PCDHGA11: variants seen among roughly 807,000 people sequenced by gnomAD.
PCDHGA11 encodes protocadherin gamma-A11.
A neutral mutation model predicts 60.4 loss-of-function variants in PCDHGA11; 39 were observed. The observed-to-expected ratio is 0.65, with a 90% CI of 0.50 to 0.84. PCDHGA11 has a LOEUF of 0.84. Among genes scored for constraint, PCDHGA11 ranks in the 40% least tolerant of loss-of-function variants. The pLI is 0.00. For synonymous variants in PCDHGA11, 533 were observed against 510.3 expected (o/e 1.04, Z -0.60); for missense variants, 1,165 against 1,197.7 (o/e 0.97, Z 0.40).
chr5:141,479,568 G>A (rs553213095), intron 1 of PCDHGA11: 2 of 152,346 alleles, frequency 1.3e-5, no homozygotes, highest in East Asian at 3.9e-4. Context: ...GTAGTGGGAT[G>A]ACATCTGTGA....
intron 1 of PCDHGA11, chr5:141,433,047 C>G: frequency 1.9e-6 from 3 of 1,614,164 alleles, no homozygotes; most frequent in Non-Finnish European, 2.5e-6. Context: ...ACCACGGACT[C>G]GCGGAAGAGT....
rs1012790217 is a variant in PCDHGA11 at position 141,432,087 on chromosome 5, C to T, written c.2433+8427C>T. On this transcript the variant is annotated intron_variant, in intron 1 of 3. Coordinates refer to ENST00000398587, the MANE Select transcript of PCDHGA11 (RefSeq NM_018914.3). This position sits in a 1 kb window ranked among gnomAD's most constrained non-coding sequence, Gnocchi z 6.0. ...GAAACTCATATCTCGCTGAACGTGG[C>T]AGACACCAACGACAACCCGCCGGTC... is the stretch of plus-strand genomic sequence containing the variant. The T allele has an allele frequency of 2.5e-6, 4 of 1,614,060 alleles. No homozygotes were observed. The African/African-American group carries it at 4.0e-5, about 16-fold the overall frequency.
intron 1 of PCDHGA11, chr5:141,441,346 G>A (rs1265971154): frequency 2.0e-5 from 3 of 152,340 alleles, no homozygotes; most frequent in African/African-American, 7.2e-5. Context: ...TTAACTACAT[G>A]CTTGTAACAA....
In PCDHGA11 at chr5:141,509,418, A is replaced by G. The variant is rs767758113; in HGVS notation, c.2582-1529A>G. Among the ~76,000 whole-genome samples the G allele has an allele frequency of 2.6e-5, 4 of 152,188 alleles. No individual in the cohort carries two copies. The South Asian group carries it at 6.2e-4, about 24-fold the overall frequency. ...TCAGGGCCTCCAGCAGCGAGCCCCA[A>G]TGAGTCAAACTCTTGTTTCCTCCTC... On this transcript the variant is annotated intron_variant, in intron 3 of 3. Transcript: ENST00000398587.
At chr5:141,484,478 A>G (rs2099596967) in intron 1 of PCDHGA11, among the ~76,000 whole-genome samples, 1 of 152,244 alleles carries the variant, frequency 6.6e-6, no homozygotes, top group Admixed American at 6.5e-5. Context: ...CTTTTCTGCA[A>G]AGAGATGGAT....
In PCDHGA11 at chr5:141,485,513, T is replaced by C. The variant is rs751762068; in HGVS notation, c.2434-9294T>C. The C allele has an allele frequency of 4.3e-6, 7 of 1,613,938 alleles. No homozygotes were observed. The highest frequency in any genetic ancestry group is 2.2e-5 in the East Asian group (1 of 44,890). On this transcript the variant is annotated intron_variant, in intron 1 of 3. Coordinates refer to ENST00000398587, the MANE Select transcript of PCDHGA11 (RefSeq NM_018914.3). The surrounding 1 kb of genome is among the most constrained non-coding windows in gnomAD (Gnocchi z 5.7). ...CCTGGAGTTTGTCACCGAAGGTCCTTTGGAAATGTACCGAGCAGAGGTAGA... is the reference window on the plus strand; with the variant it reads ...CCTGGAGTTTGTCACCGAAGGTCCTCTGGAAATGTACCGAGCAGAGGTAGA...
In PCDHGA11 at chr5:141,476,210, G is replaced by A; in HGVS notation, c.2434-18597G>A. ...TGGTGCCTTGAACAAGGCTTCCACG[G>A]TCATTCACTATGAGATCCCGGAGGA... is the stretch of plus-strand genomic sequence containing the variant. On this transcript the variant is annotated intron_variant, in intron 1 of 3. Coordinates refer to ENST00000398587, the MANE Select transcript of PCDHGA11 (RefSeq NM_018914.3). The surrounding 1 kb of genome is among the most constrained non-coding windows in gnomAD (Gnocchi z 7.6). 6.2e-7 allele frequency: 1 copy of A among 1,614,012 alleles called. No individual in the cohort carries two copies. Among genetic ancestry groups the A allele is most frequent in the Non-Finnish European group, 8.5e-7 (1 of 1,180,012 alleles).
In PCDHGA11 at chr5:141,433,837, CA is replaced by C. The variant is rs56191208; in HGVS notation, c.2433+10195del. ...GGGCAACAAGAGTGAAACTCTATCT[CA>C]AAAAAAAAAAAAAAAAACTTTATCC... On this transcript the variant is annotated intron_variant, in intron 1 of 3. Coordinates refer to ENST00000398587, the MANE Select transcript of PCDHGA11 (RefSeq NM_018914.3). Among the ~76,000 whole-genome samples, 895 of 111,670 alleles carry C rather than the reference CA, an allele frequency of 8.0e-3. 6 individuals carry two copies. Among genetic ancestry groups the C allele is most frequent in the South Asian group, 0.02 (67 of 3,288 alleles). The allele number at this position is 111,670 out of a possible 152,430, so 73.3% of individuals were successfully genotyped here. A position where few individuals can be genotyped will look rare whatever the true frequency, so the allele number is the denominator to read the frequency against.
At chr5:141,435,306 T>C (rs2154556603) in intron 1 of PCDHGA11, among the ~76,000 whole-genome samples, 1 of 152,358 alleles carries the variant, frequency 6.6e-6, no homozygotes, top group East Asian at 1.9e-4. Flanking sequence ...TGGTTTTAAA[T>C]CATTCATGAA....
chr5:141,424,026 C>G, intron 1 of PCDHGA11: 1 of 1,041,918 alleles, frequency 9.6e-7, no homozygotes, highest in Non-Finnish European at 1.2e-6. Context: ...TTCACAAACA[C>G]TTTTTATTTC....
intron 1 of PCDHGA11, among the ~76,000 whole-genome samples, chr5:141,438,636 ACACACAC>A: frequency 3.9e-5 from 1 of 25,700 alleles, no homozygotes; most frequent in African/African-American, 1.5e-4. Flanking sequence ...ATATATATAT[ACACACAC>A]ACACACACAT....
chr5:141,489,069 C>G lies in PCDHGA11; in HGVS notation c.2434-5738C>G. ...TCAAATTCAGCTCCCCTCCCCCCTGCCCACCCCCGCCACTCGGTGACTAAG... is the reference window on the plus strand; with the variant it reads ...TCAAATTCAGCTCCCCTCCCCCCTGGCCACCCCCGCCACTCGGTGACTAAG... On this transcript the variant is annotated intron_variant, in intron 1 of 3. Coordinates refer to ENST00000398587, the MANE Select transcript of PCDHGA11 (RefSeq NM_018914.3). The surrounding 1 kb of genome is among the most constrained non-coding windows in gnomAD (Gnocchi z 4.5). 6.4e-5 allele frequency: 18 copies of G among 281,056 alleles called. No homozygotes were observed. Among genetic ancestry groups the G allele is most frequent in the Middle Eastern group, 1.1e-3 (1 of 944 alleles). 17.4% of individuals were successfully genotyped at this position (281,056 alleles called of 1,614,324 possible).
chr5:141,477,301 C>T lies in PCDHGA11; in HGVS notation c.2434-17506C>T, dbSNP rs756549446. The T allele has an allele frequency of 6.2e-7, 1 of 1,614,160 alleles. No homozygotes were observed. Among genetic ancestry groups the T allele is most frequent in the East Asian group, 2.2e-5 (1 of 44,872 alleles). Reference sequence around the variant, plus strand: ...TGACCTGCGAAGTTCCACCGGGTCTCCCTTTCAGCCTTACTTCTTCCCTCA... The same window carrying T: ...TGACCTGCGAAGTTCCACCGGGTCTTCCTTTCAGCCTTACTTCTTCCCTCA... On this transcript the variant is annotated intron_variant, in intron 1 of 3. Coordinates refer to ENST00000398587, the MANE Select transcript of PCDHGA11 (RefSeq NM_018914.3). The surrounding 1 kb of genome is among the most constrained non-coding windows in gnomAD (Gnocchi z 4.9).
Position 141,432,831 on chromosome 5 carries a change from T to C in PCDHGA11, c.2433+9171T>C. 1 of 1,614,206 alleles carries C rather than the reference T, an allele frequency of 6.2e-7. No individual in the cohort carries two copies. Among genetic ancestry groups the C allele is most frequent in the Non-Finnish European group, 8.5e-7 (1 of 1,180,006 alleles). ...AACTCTGAAACCTCAGACCTCACTC[T>C]GTACCTGGTGGTAGCGGTGGCCGCG... On this transcript the variant is annotated intron_variant, in intron 1 of 3. Coordinates refer to ENST00000398587, the MANE Select transcript of PCDHGA11 (RefSeq NM_018914.3). The surrounding 1 kb of genome is among the most constrained non-coding windows in gnomAD (Gnocchi z 6.0).
At chr5:141,492,705 C>T (rs2099743225) in intron 1 of PCDHGA11, among the ~76,000 whole-genome samples, 1 of 152,258 alleles carries the variant, frequency 6.6e-6, no homozygotes, top group South Asian at 2.1e-4. Flanking sequence ...ACCCAGAAGC[C>T]TCGAGCAGGC....
At chr5:141,478,283 T>C (rs755297808) in intron 1 of PCDHGA11, 2 of 1,614,148 alleles carry the variant, frequency 1.2e-6, no homozygotes, top group South Asian at 2.2e-5. Context: ...GTGGAAGCAG[T>C]CTAGAGACCT....
In PCDHGA11 at chr5:141,476,303, G is replaced by T. The variant is rs747567754; in HGVS notation, c.2434-18504G>T. ...TGGTTTGGATCTCGGTAGCCTCTCA[G>T]CCCGCAGGTTCCGGGTGGTGTCTGG... is the stretch of plus-strand genomic sequence containing the variant. On this transcript the variant is annotated intron_variant, in intron 1 of 3. Coordinates refer to ENST00000398587, the MANE Select transcript of PCDHGA11 (RefSeq NM_018914.3). The surrounding 1 kb of genome is among the most constrained non-coding windows in gnomAD (Gnocchi z 7.6). 6.2e-7 allele frequency: 1 copy of T among 1,613,872 alleles called. No individual in the cohort carries two copies. Among genetic ancestry groups the T allele is most frequent in the Admixed American group, 1.7e-5 (1 of 60,000 alleles).
chr5:141,488,170 T>C (rs554585709), intron 1 of PCDHGA11, among the ~76,000 whole-genome samples: 2 of 152,318 alleles, frequency 1.3e-5, no homozygotes, highest in African/African-American at 2.4e-5. Context: ...ATCAGAGTGG[T>C]GGCATAGATC....
Position 141,491,665 on chromosome 5 carries a change from C to G in PCDHGA11, c.2434-3142C>G. The stretch of plus-strand genomic sequence containing the variant: ...TCTGGCGCTGGAGCCTGACGCCATC[C>G]GGTCCCGCTCTAATACGCTGCGGGA... On this transcript the variant is annotated intron_variant, in intron 1 of 3. Transcript: ENST00000398587. This position sits in a 1 kb window ranked among gnomAD's most constrained non-coding sequence, Gnocchi z 6.9. 1 of 1,613,764 alleles carries G rather than the reference C, an allele frequency of 6.2e-7. No homozygotes were observed. Among genetic ancestry groups the G allele is most frequent in the Non-Finnish European group, 8.5e-7 (1 of 1,180,000 alleles).
Sources: allele counts gnomAD v4.1 joint callset (sites outside exome capture counted in the v4.1 genomes callset), GRCh38; gene constraint gnomAD v4.1.1; non-coding constraint Gnocchi (gnomAD v3.1); transcripts MANE v1.5; gene names NCBI Gene and HGNC (gene_info 2026-07-23, HGNC 2026-07-21).